GABRQ: variants seen among roughly 807,000 people sequenced by gnomAD.
GABRQ encodes the protein gamma-aminobutyric acid type A receptor subunit theta, also known as gamma-aminobutyric acid receptor subunit theta.
GABRQ carries 19 observed loss-of-function variants against 30.5 expected under a neutral mutation model. The ratio of observed to expected loss-of-function variants is 0.62; its 90% confidence interval spans 0.43 to 0.91. The LOEUF is 0.91. GABRQ is among the 40% of genes least tolerant of loss of function. GABRQ has a pLI of 0.00. For missense variants in GABRQ, 520 were observed against 521.4 expected, an observed-to-expected ratio of 1.00 and a Z score of 0.03; for synonymous variants, 187 against 210.2, an observed-to-expected ratio of 0.89 and a Z score of 0.95.
Position 152,651,639 on chromosome X carries a change from G to T in GABRQ, c.1015G>T (p.Val339Leu). The T allele has an allele frequency of 8.3e-7, 1 of 1,211,045 alleles. No individual in the cohort carries two copies. Among genetic ancestry groups the T allele is most frequent in the East Asian group, 3.0e-5 (1 of 33,827 alleles). The change falls in exon 8 of 9, where the codon GTG becomes TTG. Residue 339 changes from valine (V) to leucine (L), a missense_variant. By Grantham distance (32) the Val-to-Leu change is conservative. Coordinates refer to ENST00000598523, the MANE Select transcript of GABRQ (RefSeq NM_018558.4). Reference protein sequence around the residue: ...DIYILVCLFFVFLSLLEYVYI... With the variant: ...DIYILVCLFFLFLSLLEYVYI... ...CTATATCCTCGTGTGCTTGTTCTTT[G>T]TGTTCCTGTCCTTGCTGGAGTATGT... is the stretch of plus-strand genomic sequence containing the variant.
In GABRQ at chrX:152,656,179, C is replaced by T. The variant is rs1160396809; in HGVS notation, c.*2898C>T. 3.6e-5 allele frequency: 4 copies of T among 110,497 alleles called. No homozygotes were observed. The highest frequency in any genetic ancestry group is 7.6e-5 in the Non-Finnish European group (4 of 52,853). The allele number at this position is 110,497 out of a possible 1,213,427, so 9.1% of individuals were successfully genotyped here. On this transcript the variant is annotated 3_prime_UTR_variant, in exon 9 of 9. Transcript: ENST00000598523. ...TGTTGAGTCTTGTATGTGGTCTGTC[C>T]TCTGTGTCATTTGAGTCCTCAGCTG...
At position 152,651,567 on chromosome X, in the gene GABRQ, C is replaced by G; in HGVS notation, c.943C>G (p.Leu315Val). The G allele has an allele frequency of 8.3e-7, 1 of 1,206,697 alleles. No homozygotes were observed. Among genetic ancestry groups the G allele is most frequent in the Non-Finnish European group, 1.1e-6 (1 of 890,469 alleles). ...CATCCTGACCACCATCGACTCACAT[C>G]TGCGGGATAAGCTCCCCAACATTTC... ...MLILTTIDSH[L>V]RDKLPNISCI... Residue 315 changes from leucine to valine, a missense_variant, in exon 8 of 9, where the codon CTG becomes GTG. Physicochemically the swap from Leu to Val is conservative, Grantham distance 32. Coordinates refer to ENST00000598523, the MANE Select transcript of GABRQ (RefSeq NM_018558.4).
At position 152,649,801 on chromosome X, in the gene GABRQ, A is replaced by G. The variant is rs1556819837; in HGVS notation, c.670A>G (p.Met224Val). The change falls in exon 6 of 9, where the codon ATG (methionine) becomes GTG (valine). Residue 224 changes from methionine to valine, a missense_variant. By Grantham distance (21) the Met-to-Val change is conservative. Transcript: ENST00000598523. The stretch of plus-strand genomic sequence containing the variant: ...GGATGACAATGGGAACGCCATCCAC[A>G]TGACTGAGGAGCTGCATATCCCTCA... ...FWDDNGNAIHMTEELHIPQFT... is the reference protein window; with the variant it reads ...FWDDNGNAIHVTEELHIPQFT... 8.5e-7 allele frequency: 1 copy of G among 1,171,951 alleles called. No homozygotes were observed. The highest frequency in any genetic ancestry group is 1.2e-6 in the Non-Finnish European group (1 of 859,372).
chrX:152,651,091 T>A (rs936619142), intron 7 of GABRQ, among the ~76,000 whole-genome samples: 2 of 112,107 alleles, frequency 1.8e-5, no homozygotes, highest in East Asian at 5.6e-4. Flanking sequence ...TCCAGCAGAA[T>A]GTCAATGTGT....
At position 152,653,344 on chromosome X, in the gene GABRQ, TG is replaced by T. The variant is rs1931083257; in HGVS notation, c.*64del. 4 of 835,377 alleles carry T rather than the reference TG, an allele frequency of 4.8e-6. No individual in the cohort carries two copies. The Admixed American group carries it at 1.2e-4, about 25-fold the overall frequency. 68.8% of individuals were successfully genotyped at this position (835,377 alleles called of 1,213,427 possible). A position where few individuals can be genotyped will look rare whatever the true frequency, so the allele number is the denominator to read the frequency against. ...TGCTCCTTTCAGTTTCTTTTGGGTTTGTTTTTCCCTCTTTCCTTTGTTCCTT... is the reference window on the plus strand; with the variant it reads ...TGCTCCTTTCAGTTTCTTTTGGGTTTTTTTTCCCTCTTTCCTTTGTTCCTT... On this transcript the variant is annotated 3_prime_UTR_variant, in exon 9 of 9. Coordinates refer to ENST00000598523, the MANE Select transcript of GABRQ (RefSeq NM_018558.4).
rs367750920 is a variant in GABRQ at position 152,649,325 on chromosome X, T to C, written c.602T>C (p.Val201Ala). 2 of 1,118,667 alleles carry C rather than the reference T, an allele frequency of 1.8e-6. No individual in the cohort carries two copies. The highest frequency in any genetic ancestry group is 3.6e-5 in the African/African-American group (2 of 55,354). 92.2% of individuals were successfully genotyped at this position (1,118,667 alleles called of 1,213,427 possible). The change falls in exon 5 of 9, where the codon GTA (valine) becomes GCA (alanine). Residue 201 changes from valine (V) to alanine (A), a missense_variant. Coordinates refer to ENST00000598523, the MANE Select transcript of GABRQ (RefSeq NM_018558.4). ...GACAAGCAGGCCTGCAACCTGGTGG[T>C]AGAGAGCTGTACGTATGTCTCCTAT... ...PMDKQACNLV[V>A]ESYGYTVEDI...
chrX:152,656,297 G>GT lies in GABRQ; in HGVS notation c.*3017dup, dbSNP rs1931149332. 9.0e-6 allele frequency: 1 copy of GT among 110,628 alleles called. No individual in the cohort carries two copies. The highest frequency in any genetic ancestry group is 3.3e-5 in the African/African-American group (1 of 30,258). The allele number at this position is 110,628 out of a possible 1,213,427, so 9.1% of individuals were successfully genotyped here. A position where few individuals can be genotyped will look rare whatever the true frequency, so the allele number is the denominator to read the frequency against. On this transcript the variant is annotated 3_prime_UTR_variant, in exon 9 of 9. Transcript: ENST00000598523. The stretch of plus-strand genomic sequence containing the variant: ...CATCCCTCTCCTCACCTCACACCAG[G>GT]TAACTCTGGAAGTGCAGAATGCTTG...
rs1931129475 is a variant in GABRQ, at chrX:152,655,348, TAGATAGAAGACTGGGGAAGTGA to T, written c.*2069_*2090del. 1.8e-5 allele frequency: 2 copies of T among 112,104 alleles called. No homozygotes were observed. The highest frequency in any genetic ancestry group is 7.5e-4 in the South Asian group (2 of 2,682). 9.2% of individuals were successfully genotyped at this position (112,104 alleles called of 1,213,427 possible). A position where few individuals can be genotyped will look rare whatever the true frequency, so the allele number is the denominator to read the frequency against. On this transcript the variant is annotated 3_prime_UTR_variant, in exon 9 of 9. Transcript: ENST00000598523. ...CCCTCCATCCATCTGTGCTGTCTCC[TAGATAGAAGACTGGGGAAGTGA>T]ATGTAGTCCTAAGAAGTGGTGAGCT... is the stretch of plus-strand genomic sequence containing the variant.
In GABRQ at chrX:152,654,298, C is replaced by T. The variant is rs1931104572; in HGVS notation, c.*1017C>T. 1 of 111,954 alleles carries T rather than the reference C, an allele frequency of 8.9e-6. No individual in the cohort carries two copies. Among genetic ancestry groups the T allele is most frequent in the Non-Finnish European group, 1.9e-5 (1 of 53,182 alleles). The allele number at this position is 111,954 out of a possible 1,213,427, so 9.2% of individuals were successfully genotyped here. A position where few individuals can be genotyped will look rare whatever the true frequency, so the allele number is the denominator to read the frequency against. ...CTATATACTAATCCTTTCTATTTGT[C>T]TAGTGCATAGTAAGTGTCAACAAGC... On this transcript the variant is annotated 3_prime_UTR_variant, in exon 9 of 9. Coordinates refer to ENST00000598523, the MANE Select transcript of GABRQ (RefSeq NM_018558.4).
chrX:152,650,760 C>A (rs1433423699), intron 7 of GABRQ, among the ~76,000 whole-genome samples, 180 bp downstream of exon 7: 1 of 111,184 alleles, frequency 9.0e-6, no homozygotes, highest in Non-Finnish European at 1.9e-5. Context: ...AATAGAGAGA[C>A]CGATATTAGA....
intron 4 of GABRQ, 23 bp downstream of exon 4, chrX:152,647,191 G>A: frequency 9.2e-7 from 1 of 1,082,240 alleles, no homozygotes. Context: ...GGGGTCTGGG[G>A]ATGTCCCAGC....
Position 152,649,891 on chromosome X carries a change from C to A in GABRQ, c.748+12C>A. The A allele has an allele frequency of 8.5e-7, 1 of 1,177,227 alleles. No homozygotes were observed. The highest frequency in any genetic ancestry group is 1.2e-6 in the Non-Finnish European group (1 of 866,657). On this transcript the variant is annotated intron_variant, in intron 6 of 8. Transcript: ENST00000598523. ...GTATTTCTACACAGGTGGGTCTGAC[C>A]CCTTCCTTCTCTCCTGTCTCATGTC...
chrX:152,639,276 A>T (rs1424233041), intron 1 of GABRQ, among the ~76,000 whole-genome samples: 1 of 85,953 alleles, frequency 1.2e-5, no homozygotes, highest in Non-Finnish European at 2.1e-5. Context: ...ATGTACTCAT[A>T]AAGGGGGGGG....
chrX:152,648,124 T>C (rs1239690269), intron 4 of GABRQ, among the ~76,000 whole-genome samples: 28 of 111,602 alleles, frequency 2.5e-4, no homozygotes, highest in Non-Finnish European at 1.3e-4. Context: ...AAAACACACA[T>C]GCACTCACAC....
rs1556820019 is a variant in GABRQ at position 152,650,581 on chromosome X, G to A, written c.901+1G>A. On this transcript the variant is annotated splice_donor_variant, in intron 7 of 8. Coordinates refer to ENST00000598523, the MANE Select transcript of GABRQ (RefSeq NM_018558.4). LOFTEE classifies it high-confidence loss of function. The stretch of plus-strand genomic sequence containing the variant: ...TCCTCTGCAGCCAGGGTGACAATTG[G>A]TAGGTTCTGTCTCTGTCCCAGGAAA... The A allele has an allele frequency of 5.9e-6, 7 of 1,196,322 alleles. No individual in the cohort carries two copies. The highest frequency in any genetic ancestry group is 7.9e-6 in the Non-Finnish European group (7 of 885,958).
chrX:152,653,122 T>A lies in GABRQ; in HGVS notation c.1740T>A (p.Asp580Glu), dbSNP rs782332486. 7 of 1,211,362 alleles carry A rather than the reference T, an allele frequency of 5.8e-6. No individual in the cohort carries two copies. In the South Asian group the frequency reaches 1.1e-4, roughly 18 times the overall value. Residue 580 changes from aspartate (D) to glutamate (E), a missense_variant, in exon 9 of 9, where the codon GAT becomes GAA. By Grantham distance (45) the Asp-to-Glu change is conservative. Transcript: ENST00000598523. ...AGGACAGTAGCTCAGAGTCTGAGGA[T>A]AGTTGCCCCCCAAGCCCTGGGTGCT... ...QEKDSSSESE[D>E]SCPPSPGCSF...
downstream of GABRQ, among the ~76,000 whole-genome samples, chrX:152,658,352 A>G (rs1330263696): frequency 8.9e-6 from 1 of 111,990 alleles, no homozygotes; most frequent in Non-Finnish European, 1.9e-5. Flanking sequence ...TGTGCCTGAC[A>G]TGCAGTGCCG....
At chrX:152,640,102 C>G (rs1602813326) in intron 1 of GABRQ, among the ~76,000 whole-genome samples, 1 of 111,016 alleles carries the variant, frequency 9.0e-6, no homozygotes, top group African/African-American at 3.3e-5. Context: ...TCGTCAACCC[C>G]TACAAGTCCT....
chrX:152,651,523 C>A lies in GABRQ; in HGVS notation c.902-3C>A. The A allele has an allele frequency of 8.3e-7, 1 of 1,207,139 alleles. No homozygotes were observed. The highest frequency in any genetic ancestry group is 2.2e-5 in the Admixed American group (1 of 46,109). ...GACTAAGTCTGTACTGTGTTGCTTA[C>A]AGGCTTAACTTCAATGCTCATCCTG... On this transcript the variant is annotated splice_polypyrimidine_tract_variant and splice_region_variant and intron_variant, in intron 7 of 8. Coordinates refer to ENST00000598523, the MANE Select transcript of GABRQ (RefSeq NM_018558.4).
Sources: allele counts gnomAD v4.1 joint callset (sites outside exome capture counted in the v4.1 genomes callset), GRCh38; gene constraint gnomAD v4.1.1; transcripts MANE v1.5; gene names NCBI Gene and HGNC (gene_info 2026-07-23, HGNC 2026-07-21).